Variants in ADAM15 observed in about 807,000 individuals in gnomAD.
The protein encoded by ADAM15 is ADAM metallopeptidase domain 15.
In ADAM15, 77 loss-of-function variants were observed where a neutral mutation model predicts 113.8. That is an observed-to-expected ratio of 0.68 (90% CI 0.56 to 0.82). ADAM15 has a LOEUF of 0.82. Ranked by LOEUF, ADAM15 falls within the 40% of genes least tolerant of loss-of-function variation. ADAM15 has a pLI of 0.00. For synonymous variants in ADAM15, 388 were observed against 454.1 expected, an observed-to-expected ratio of 0.85 and a Z score of 1.85; for missense variants, 963 against 1,120.1, an observed-to-expected ratio of 0.86 and a Z score of 2.00.
At chr1:155,061,549 G>A in intron 20 of ADAM15, 60 bp downstream of exon 20, 1 of 1,540,758 alleles carries the variant, frequency 6.5e-7, no homozygotes, top group South Asian at 1.1e-5. Context: ...GTACCCAACT[G>A]CAGTTCTCAT....
At chr1:155,059,776 C>T (rs578003301) in intron 16 of ADAM15, 126 bp from the exon 17 acceptor site, 39 of 977,520 alleles carry the variant, frequency 4.0e-5, no homozygotes, top group Middle Eastern at 2.2e-4. Context: ...ACCCTCCCTC[C>T]GGGCTGTCTC....
intron 6 of ADAM15, chr1:155,055,431 T>C (rs1278314469): frequency 7.2e-6 from 2 of 276,346 alleles, no homozygotes; most frequent in Non-Finnish European, 7.1e-6. Context: ...TTTCACCGTG[T>C]TATCCAGGAT....
chr1:155,058,892 C>T lies in ADAM15; in HGVS notation c.1995+105C>T. 3 of 1,404,852 alleles carry T rather than the reference C, an allele frequency of 2.1e-6. No individual in the cohort carries two copies. The highest frequency in any genetic ancestry group is 2.5e-5 in the East Asian group (1 of 40,054). The allele number at this position is 1,404,852 out of a possible 1,614,324, so 87.0% of individuals were successfully genotyped here. A position where few individuals can be genotyped will look rare whatever the true frequency, so the allele number is the denominator to read the frequency against. On this transcript the variant is annotated intron_variant, in intron 16 of 22. Coordinates refer to ENST00000356955, the MANE Select transcript of ADAM15 (RefSeq NM_207197.3). The surrounding 1 kb of genome is among the most constrained non-coding windows in gnomAD (Gnocchi z 4.3). ...TATCTGGGTTTTAATCCTTGCTCTA[C>T]TACTTCCCAGTTGTGTGACCTCGGG... is the stretch of plus-strand genomic sequence containing the variant.
At position 155,051,398 on chromosome 1, in the gene ADAM15, G is replaced by A. The variant is rs1350931910; in HGVS notation, c.12G>A (p.Ala4=). 6.5e-7 allele frequency: 1 copy of A among 1,535,402 alleles called. No individual in the cohort carries two copies. The highest frequency in any genetic ancestry group is 8.7e-7 in the Non-Finnish European group (1 of 1,146,180). The change falls in exon 1 of 23, where the codon GCG becomes GCA. Residue 4 remains alanine (A), a synonymous_variant. Transcript: ENST00000356955. ...GGAGCGCCGCTGCCATGCGGCTGGC[G>A]CTGCTCTGGGCCCTGGGGCTCCTGG... MRL[A]LLWALGLLGA...
chr1:155,053,688 G>A (rs929555551), intron 3 of ADAM15, among the ~76,000 whole-genome samples, 195 bp downstream of exon 3: 3 of 152,182 alleles, frequency 2.0e-5, no homozygotes, highest in African/African-American at 4.8e-5. Flanking sequence ...ACTTGCCCCA[G>A]GTCACACAGC....
rs745636494 is a variant in ADAM15 at position 155,062,316 on chromosome 1, G to C, written c.2496G>C (p.Ser832=). ...LPADPQGRCP[S]GDLPGPGAGI... is the part of the protein sequence containing the mutation. ...CCGACCCCCAGGGCCGGTGCCCATCGGGTGACCTGCCCGGCCCAGGGGCTG... is the reference window on the plus strand; with the variant it reads ...CCGACCCCCAGGGCCGGTGCCCATCCGGTGACCTGCCCGGCCCAGGGGCTG... The change falls in exon 22 of 23, where the codon TCG becomes TCC. Residue 832 remains serine, a synonymous_variant. Coordinates refer to ENST00000356955, the MANE Select transcript of ADAM15 (RefSeq NM_207197.3). The surrounding 1 kb of genome is among the most constrained non-coding windows in gnomAD (Gnocchi z 7.0). 2 of 1,520,208 alleles carry C rather than the reference G, an allele frequency of 1.3e-6. No homozygotes were observed. Among genetic ancestry groups the C allele is most frequent in the South Asian group, 2.5e-5 (2 of 78,764 alleles). The allele number at this position is 1,520,208 out of a possible 1,614,324, so 94.2% of individuals were successfully genotyped here.
In ADAM15 at chr1:155,053,409, G is replaced by A. The variant is rs1661355168; in HGVS notation, c.187-8G>A. On this transcript the variant is annotated splice_polypyrimidine_tract_variant and splice_region_variant and intron_variant, in intron 2 of 22. Transcript: ENST00000356955. ...CTAGGGAGGTGACCTGCCCTCTGGTGCCCACAGACCAGTCTGCCTGAGCCC... is the reference window on the plus strand; with the variant it reads ...CTAGGGAGGTGACCTGCCCTCTGGTACCCACAGACCAGTCTGCCTGAGCCC... The A allele has an allele frequency of 6.2e-7, 1 of 1,613,748 alleles. No homozygotes were observed. The highest frequency in any genetic ancestry group is 1.7e-5 in the Admixed American group (1 of 59,992).
rs1661732468 is a variant in ADAM15, at chr1:155,056,154, C to T, written c.819C>T (p.Ile273=). The change falls in exon 9 of 23, where the codon ATC becomes ATT. Residue 273 remains isoleucine (I), a synonymous_variant. Coordinates refer to ENST00000356955, the MANE Select transcript of ADAM15 (RefSeq NM_207197.3). The surrounding 1 kb of genome is among the most constrained non-coding windows in gnomAD (Gnocchi z 4.0). ...GGACCCAGCGTGACCTGGTGGAGATCAGCCCAAACCCAGCTGTCACCCTCG... is the reference window on the plus strand; with the variant it reads ...GGACCCAGCGTGACCTGGTGGAGATTAGCCCAAACCCAGCTGTCACCCTCG... ...EAWTQRDLVE[I]SPNPAVTLEN... is the part of the protein sequence containing the mutation. 1 of 1,613,916 alleles carries T rather than the reference C, an allele frequency of 6.2e-7. No homozygotes were observed. The highest frequency in any genetic ancestry group is 1.3e-5 in the African/African-American group (1 of 74,910).
chr1:155,051,474 T>A lies in ADAM15; in HGVS notation c.79+9T>A. 1 of 1,556,754 alleles carries A rather than the reference T, an allele frequency of 6.4e-7. No homozygotes were observed. The highest frequency in any genetic ancestry group is 8.6e-7 in the Non-Finnish European group (1 of 1,156,860). Reference sequence around the variant, plus strand: ...GCCGCTCCCAAATATAGGTGAGTCCTCCGCCTGGAGTGGGTCGGGGGGCGG... The same window carrying A: ...GCCGCTCCCAAATATAGGTGAGTCCACCGCCTGGAGTGGGTCGGGGGGCGG... On this transcript the variant is annotated intron_variant, in intron 1 of 22. Transcript: ENST00000356955.
chr1:155,056,925 G>C lies in ADAM15; in HGVS notation c.1000-28G>C, dbSNP rs1411753484. ...TTGTGGTGGAGGCAGGCTGGGACTG[G>C]ACCTACAGTACCCCTCCCCAATGAC... On this transcript the variant is annotated intron_variant, in intron 10 of 22. Coordinates refer to ENST00000356955, the MANE Select transcript of ADAM15 (RefSeq NM_207197.3). The surrounding 1 kb of genome is among the most constrained non-coding windows in gnomAD (Gnocchi z 4.0). The C allele has an allele frequency of 6.5e-7, 1 of 1,534,304 alleles. No individual in the cohort carries two copies. The highest frequency in any genetic ancestry group is 8.8e-7 in the Non-Finnish European group (1 of 1,139,672).
rs748084846 is a variant in ADAM15 at position 155,062,002 on chromosome 1, G to GT, written c.2424+27_2424+28insT. The GT allele has an allele frequency of 6.5e-6, 10 of 1,534,210 alleles. No individual in the cohort carries two copies. In the East Asian group the frequency reaches 1.6e-4, roughly 25 times the overall value. ...TAACGGTGGGGGGAGAGAAGGGCACGGCCTCTCCCCCCACCTAGGGCTGTG... is the reference window on the plus strand; with the variant it reads ...TAACGGTGGGGGGAGAGAAGGGCACGTGCCTCTCCCCCCACCTAGGGCTGTG... On this transcript the variant is annotated intron_variant, in intron 21 of 22. Transcript: ENST00000356955. This position sits in a 1 kb window ranked among gnomAD's most constrained non-coding sequence, Gnocchi z 7.0.
rs368601618 is a variant in ADAM15, at chr1:155,062,424, C to A, written c.2550-36C>A. On this transcript the variant is annotated intron_variant, in intron 22 of 22. Transcript: ENST00000356955. This position sits in a 1 kb window ranked among gnomAD's most constrained non-coding sequence, Gnocchi z 7.0. ...GGGCGAGTGACCTGGGGGAAAGGGG[C>A]CTCTGACTCTTTTTTCTTGGCTTCC... 3.2e-5 allele frequency: 51 copies of A among 1,612,658 alleles called. No homozygotes were observed. The highest frequency in any genetic ancestry group is 4.1e-5 in the Non-Finnish European group (48 of 1,179,812).
intron 3 of ADAM15, 126 bp downstream of exon 3, chr1:155,053,619 T>G: frequency 1.0e-6 from 1 of 985,448 alleles, no homozygotes; most frequent in Non-Finnish European, 1.6e-6. Context: ...GGATATACTA[T>G]CATGTATTAT....
intron 16 of ADAM15, among the ~76,000 whole-genome samples, chr1:155,059,313 C>T (rs1464852857): frequency 2.6e-5 from 4 of 152,048 alleles, no homozygotes; most frequent in Non-Finnish European, 5.9e-5. Flanking sequence ...GTGATCCTCC[C>T]GCCTCAGCCT....
chr1:155,052,798 A>G, intron 2 of ADAM15, 21 bp downstream of exon 2: 1 of 1,594,676 alleles, frequency 6.3e-7, no homozygotes, highest in Non-Finnish European at 8.5e-7. Flanking sequence ...ACTCCCCTCT[A>G]ATAAATAAAC....
chr1:155,053,084 G>C (rs1310308356), intron 2 of ADAM15, among the ~76,000 whole-genome samples: 1 of 149,760 alleles, frequency 6.7e-6, no homozygotes, highest in Non-Finnish European at 1.5e-5. Flanking sequence ...GGGGGGATTT[G>C]GAAAGAGTCA....
Position 155,057,637 on chromosome 1 carries a change from G to A in ADAM15, c.1324G>A (p.Asp442Asn), listed in dbSNP as rs905378110. 2 of 1,614,048 alleles carry A rather than the reference G, an allele frequency of 1.2e-6. No individual in the cohort carries two copies. Among genetic ancestry groups the A allele is most frequent in the Non-Finnish European group, 8.5e-7 (1 of 1,180,040 alleles). ...CCGGCCCCCGTGCTCCTGCCCACAG[G>A]ACTGCGTCGATCCCTGCTGTGATTC... is the stretch of plus-strand genomic sequence containing the variant. ...GEQCDCGFLD[D>N]CVDPCCDSLT... The change falls in exon 13 of 23, where the codon GAC becomes AAC. Residue 442 changes from aspartate (D) to asparagine (N), a missense_variant and splice_region_variant. Coordinates refer to ENST00000356955, the MANE Select transcript of ADAM15 (RefSeq NM_207197.3). This position sits in a 1 kb window ranked among gnomAD's most constrained non-coding sequence, Gnocchi z 5.0.
intron 1 of ADAM15, 118 bp from the exon 2 acceptor site, chr1:155,052,553 C>T (rs1661202996): frequency 6.5e-7 from 1 of 1,550,140 alleles, no homozygotes; most frequent in Non-Finnish European, 8.7e-7. Context: ...ATGTGGAAGC[C>T]CCTCAGGTAC....
Position 155,061,986 on chromosome 1 carries a change from G to A in ADAM15, c.2424+11G>A. ...GTGAGAAGCCCGAAGGTAACGGTGG[G>A]GGGAGAGAAGGGCACGGCCTCTCCC... On this transcript the variant is annotated intron_variant, in intron 21 of 22. Coordinates refer to ENST00000356955, the MANE Select transcript of ADAM15 (RefSeq NM_207197.3). 1 of 1,571,188 alleles carries A rather than the reference G, an allele frequency of 6.4e-7. No individual in the cohort carries two copies. The highest frequency in any genetic ancestry group is 1.2e-5 in the South Asian group (1 of 86,176).
Sources: allele counts gnomAD v4.1 joint callset (sites outside exome capture counted in the v4.1 genomes callset), GRCh38; gene constraint gnomAD v4.1.1; non-coding constraint Gnocchi (gnomAD v3.1); transcripts MANE v1.5; gene names NCBI Gene and HGNC (gene_info 2026-07-23, HGNC 2026-07-21).